PCDH15: variants seen among roughly 807,000 people sequenced by gnomAD.
PCDH15 encodes protocadherin related 15, also known as protocadherin-15.
PCDH15 carries 129 observed loss-of-function variants against 178.5 expected under a neutral mutation model. The observed-to-expected ratio is 0.72, with a 90% CI of 0.63 to 0.84. The LOEUF (loss-of-function observed/expected upper bound fraction) is 0.84. PCDH15 is among the 40% of genes least tolerant of loss of function. PCDH15 has a pLI of 0.00. For synonymous variants in PCDH15, 800 were observed against 732.0 expected, an observed-to-expected ratio of 1.09 and a Z score of -1.50; for missense variants, 2,230 against 2,099.9, an observed-to-expected ratio of 1.06 and a Z score of -1.21.
intron 1 of PCDH15, among the ~76,000 whole-genome samples, chr10:55,279,081 T>G (rs1842665826): frequency 6.6e-6 from 1 of 152,344 alleles, no homozygotes; most frequent in African/African-American, 2.4e-5. Flanking sequence ...TAAGCTTCGA[T>G]GCCCGAGATG....
intron 3 of PCDH15, among the ~76,000 whole-genome samples, chr10:54,845,551 A>G (rs997781472): frequency 2.6e-5 from 4 of 152,258 alleles, no homozygotes; most frequent in South Asian, 2.1e-4. Flanking sequence ...GTAATTGGGC[A>G]GGGAATAGCC....
intron 37 of PCDH15, 58 bp from the exon 38 acceptor site, chr10:53,807,188 TTACATTGCCTG>T: frequency 5.3e-6 from 7 of 1,315,544 alleles, no homozygotes; most frequent in Non-Finnish European, 6.2e-6. Context: ...AAGGCAATGA[TTACATTGCCTG>T]TGAAATCCAA....
chr10:55,527,873 A>G (rs1841337943), intron 2 of PCDH15, among the ~76,000 whole-genome samples: 1 of 151,456 alleles, frequency 6.6e-6, no homozygotes, highest in African/African-American at 2.4e-5. Flanking sequence ...TTCTGACAAC[A>G]ATGAGGTAGC....
At chr10:55,514,233 G>A (rs1840954907) in intron 2 of PCDH15, among the ~76,000 whole-genome samples, 3 of 152,090 alleles carry the variant, frequency 2.0e-5, no homozygotes, top group South Asian at 2.1e-4. Context: ...CAAGGTAAGA[G>A]ATGCCATCAA....
intron 1 of PCDH15, among the ~76,000 whole-genome samples, chr10:55,289,178 T>G (rs1398486980): frequency 6.6e-6 from 1 of 152,054 alleles, no homozygotes; most frequent in Non-Finnish European, 1.5e-5. Context: ...TTGTAGGCTC[T>G]CCCCACATCT....
intron 3 of PCDH15, among the ~76,000 whole-genome samples, chr10:54,432,432 A>G (rs1283317519): frequency 6.6e-6 from 1 of 152,156 alleles, no homozygotes; most frequent in Non-Finnish European, 1.5e-5. Context: ...CCACACATCT[A>G]TAGTGAAGTT....
intron 2 of PCDH15, among the ~76,000 whole-genome samples, chr10:55,375,789 T>G (rs1837383347): frequency 6.6e-6 from 1 of 152,020 alleles, no homozygotes; most frequent in Non-Finnish European, 1.5e-5. Flanking sequence ...ATTAACACTT[T>G]CTCTTTAGCA....
intron 15 of PCDH15, among the ~76,000 whole-genome samples, chr10:54,097,143 C>T (rs1264145010): frequency 6.6e-6 from 1 of 152,138 alleles, no homozygotes; most frequent in Admixed American, 6.5e-5. Context: ...CTTCCACAGA[C>T]CATTTTCAAT....
chr10:55,361,418 CGAA>C (rs1845227468), intron 2 of PCDH15, among the ~76,000 whole-genome samples: 2 of 151,896 alleles, frequency 1.3e-5, no homozygotes, highest in Admixed American at 1.3e-4. Context: ...TGTAGTCTAA[CGAA>C]CTTGTAATCT....
intron 21 of PCDH15, among the ~76,000 whole-genome samples, chr10:53,980,566 T>C (rs180681208): frequency 2.0e-5 from 3 of 152,294 alleles, no homozygotes; most frequent in Admixed American, 2.0e-4. Context: ...TCCATCACTC[T>C]GGAAGTGAGG....
chr10:55,002,343 A>G (rs1331136196), intron 2 of PCDH15, among the ~76,000 whole-genome samples: 1 of 152,226 alleles, frequency 6.6e-6, no homozygotes. Context: ...ATTTCCAAAA[A>G]CAATATTTGC....
At chr10:55,127,555 T>A (rs1314597417) in intron 2 of PCDH15, among the ~76,000 whole-genome samples, 2 of 152,124 alleles carry the variant, frequency 1.3e-5, no homozygotes, top group Admixed American at 6.5e-5. Context: ...GTACATAATG[T>A]AGGACCCATT....
chr10:53,833,004 G>A (rs1366818307), intron 29 of PCDH15, among the ~76,000 whole-genome samples: 33 of 151,806 alleles, frequency 2.2e-4, no homozygotes, highest in Admixed American at 2.1e-3. Context: ...CAAGCTCATT[G>A]TTACACGTTA....
At chr10:54,344,235 C>T (rs1237421737) in intron 6 of PCDH15, among the ~76,000 whole-genome samples, 2 of 152,120 alleles carry the variant, frequency 1.3e-5, no homozygotes, top group African/African-American at 4.8e-5. Context: ...AGCATTTTAG[C>T]TTGCTAAAAC....
At chr10:54,565,479 T>C (rs1380733846) in intron 2 of PCDH15, among the ~76,000 whole-genome samples, 1 of 152,136 alleles carries the variant, frequency 6.6e-6, no homozygotes, top group African/African-American at 2.4e-5. Flanking sequence ...TATTGCACTG[T>C]ATTTATAGGT....
chr10:55,565,899 G>A (rs563838319), intron 2 of PCDH15, among the ~76,000 whole-genome samples: 3 of 151,662 alleles, frequency 2.0e-5, no homozygotes, highest in African/African-American at 2.4e-5. Context: ...CAGTGAATTC[G>A]ATAAAACATT....
chr10:54,922,070 A>C (rs192302308), intron 2 of PCDH15, among the ~76,000 whole-genome samples: 114 of 152,304 alleles, frequency 7.5e-4, no homozygotes, highest in African/African-American at 2.4e-3. Flanking sequence ...TCCAACACAC[A>C]GGTATTACAA....
chr10:55,514,515 T>C (rs945342769), intron 2 of PCDH15, among the ~76,000 whole-genome samples: 3 of 152,146 alleles, frequency 2.0e-5, no homozygotes, highest in African/African-American at 7.2e-5. Context: ...CATGGGAAAT[T>C]GTGCATTTTA....
intron 2 of PCDH15, among the ~76,000 whole-genome samples, chr10:55,065,905 T>C (rs998019756): frequency 6.6e-6 from 1 of 152,028 alleles, no homozygotes; most frequent in Non-Finnish European, 1.5e-5. Context: ...GATTAAAAAC[T>C]ATGTCGTGAT....
Sources: gnomAD v4.1 joint callset for allele counts (sites outside exome capture counted in the v4.1 genomes callset) on GRCh38, gnomAD v4.1.1 for gene constraint, MANE v1.5 for transcripts, NCBI Gene and HGNC (gene_info 2026-07-23, HGNC 2026-07-21) for gene names.